ZNF649: variants seen among roughly 807,000 people sequenced by gnomAD.
The protein encoded by ZNF649 is zinc finger protein 649.
In ZNF649, 7 loss-of-function variants were observed where a neutral mutation model predicts 14.1. That is an observed-to-expected ratio of 0.49 (90% CI 0.28 to 0.93). ZNF649 has a LOEUF of 0.93. Ranked by LOEUF, ZNF649 falls within the 40% of genes least tolerant of loss-of-function variation. The pLI is 0.10. For missense variants in ZNF649, 544 were observed against 608.1 expected (o/e 0.89, Z 1.11); for synonymous variants, 227 against 212.3 (o/e 1.07, Z -0.60).
Position 51,891,725 on chromosome 19 carries a change from A to G in ZNF649, c.411T>C (p.Ala137=). ...TTTGTTCATGATTATCATGGAGAAA[A>G]GCTCCATCTCCATTAAACTCAGCAG... ...KEPAEFNGDG[A]FLHDNHEQMP... The change falls in exon 5 of 5, where the codon GCT becomes GCC. Residue 137 remains alanine (A), a synonymous_variant. Coordinates refer to ENST00000354957, the MANE Select transcript of ZNF649 (RefSeq NM_023074.4). This position sits in a 1 kb window ranked among gnomAD's most constrained non-coding sequence, Gnocchi z 4.2. The G allele has an allele frequency of 1.2e-6, 2 of 1,613,466 alleles. No homozygotes were observed. Among genetic ancestry groups the G allele is most frequent in the Non-Finnish European group, 1.7e-6 (2 of 1,179,862 alleles).
chr19:51,891,716 A>C lies in ZNF649; in HGVS notation c.420T>G (p.His140Gln). 6.2e-7 allele frequency: 1 copy of C among 1,613,654 alleles called. No homozygotes were observed. Among genetic ancestry groups the C allele is most frequent in the Non-Finnish European group, 8.5e-7 (1 of 1,179,922 alleles). Residue 140 changes from histidine (H) to glutamine (Q), a missense_variant, in exon 5 of 5, where the codon CAT (histidine) becomes CAG (glutamine). Physicochemically the swap from His to Gln is conservative, Grantham distance 24. Coordinates refer to ENST00000354957, the MANE Select transcript of ZNF649 (RefSeq NM_023074.4). This position sits in a 1 kb window ranked among gnomAD's most constrained non-coding sequence, Gnocchi z 4.2. The stretch of plus-strand genomic sequence containing the variant: ...CCGTAGGCATTTGTTCATGATTATC[A>C]TGGAGAAAAGCTCCATCTCCATTAA... The part of the protein sequence containing the change: ...AEFNGDGAFL[H>Q]DNHEQMPTEI...
chr19:51,899,205 G>A (rs769050217), intron 2 of ZNF649, among the ~76,000 whole-genome samples: 5 of 152,170 alleles, frequency 3.3e-5, no homozygotes, highest in African/African-American at 4.8e-5. Context: ...ATATATATAC[G>A]TGTAAAACCA....
intron 2 of ZNF649, among the ~76,000 whole-genome samples, chr19:51,899,229 G>C (rs16983215): frequency 0.074 from 11,266 of 152,248 alleles, 568 homozygotes; most frequent in South Asian, 0.23. Flanking sequence ...TGAGTCATTT[G>C]CATAATTTTT....
chr19:51,891,795 T>C lies in ZNF649; in HGVS notation c.341A>G (p.Tyr114Cys). ...RYEHGRTLKS[Y>C]LGLTNQSRRY... is the part of the protein sequence containing the mutation. ...TCTGCTCTGGTTGGTTAAACCTAAA[T>C]ATGATTTCAAAGTTCTTCCGTGTTC... The change falls in exon 5 of 5, where the codon TAT (tyrosine) becomes TGT (cysteine). Residue 114 changes from tyrosine to cysteine, a missense_variant. By Grantham distance (194) the Tyr-to-Cys change is radical. Coordinates refer to ENST00000354957, the MANE Select transcript of ZNF649 (RefSeq NM_023074.4). The surrounding 1 kb of genome is among the most constrained non-coding windows in gnomAD (Gnocchi z 4.2). The C allele has an allele frequency of 6.2e-7, 1 of 1,613,826 alleles. No homozygotes were observed.
Position 51,899,753 on chromosome 19 carries a change from C to T in ZNF649, c.15+340G>A, listed in dbSNP as rs1260783863. The T allele has an allele frequency of 2.4e-5, 6 of 251,002 alleles. 1 individual carries two copies. The South Asian group carries it at 7.0e-4, about 29-fold the overall frequency. The allele number at this position is 251,002 out of a possible 1,614,324, so 15.5% of individuals were successfully genotyped here. ...TGAAATACTGACATCCCCTGAGGAACGGACCCGCTTTCTCCTCAGAATCAG... is the reference window on the plus strand; with the variant it reads ...TGAAATACTGACATCCCCTGAGGAATGGACCCGCTTTCTCCTCAGAATCAG... On this transcript the variant is annotated intron_variant, in intron 2 of 4. Coordinates refer to ENST00000354957, the MANE Select transcript of ZNF649 (RefSeq NM_023074.4).
chr19:51,899,835 G>A (rs570911552), intron 2 of ZNF649: 20 of 362,408 alleles, frequency 5.5e-5, no homozygotes, highest in African/African-American at 4.2e-4. Flanking sequence ...AAAGATTTTG[G>A]ACACAAGCTG....
In ZNF649 at chr19:51,891,713, A is replaced by G. The variant is rs377110131; in HGVS notation, c.423T>C (p.Asp141=). Residue 141 remains aspartate, a synonymous_variant, in exon 5 of 5, where the codon GAT becomes GAC. Transcript: ENST00000354957. The surrounding 1 kb of genome is among the most constrained non-coding windows in gnomAD (Gnocchi z 4.2). The part of the protein sequence containing the change: ...EFNGDGAFLH[D]NHEQMPTEIE... ...TTTCCGTAGGCATTTGTTCATGATT[A>G]TCATGGAGAAAAGCTCCATCTCCAT... 1.9e-5 allele frequency: 30 copies of G among 1,613,502 alleles called. No homozygotes were observed. The African/African-American group carries it at 3.6e-4, about 19-fold the overall frequency.
chr19:51,897,118 G>T, intron 2 of ZNF649, 140 bp from the exon 3 acceptor site: 10 of 1,214,068 alleles, frequency 8.2e-6, no homozygotes, highest in Non-Finnish European at 1.2e-5. Flanking sequence ...GTTTCAGGAT[G>T]CCCCACATAT....
In ZNF649 at chr19:51,905,012, A is replaced by T. The variant is rs1003016481; in HGVS notation, c.-286T>A. ...ATGGCGGCGGACGAGGGCGCGAGTC[A>T]ATTCTGCCGCGCTAGGACGATGGGA... On this transcript the variant is annotated 5_prime_UTR_variant, in exon 1 of 5. Transcript: ENST00000354957. 1 of 152,198 alleles carries T rather than the reference A, an allele frequency of 6.6e-6. No individual in the cohort carries two copies. Among genetic ancestry groups the T allele is most frequent in the African/African-American group, 2.4e-5 (1 of 41,452 alleles). 9.4% of individuals were successfully genotyped at this position (152,198 alleles called of 1,614,324 possible). A position where few individuals can be genotyped will look rare whatever the true frequency, so the allele number is the denominator to read the frequency against.
In ZNF649 at chr19:51,890,508, A is replaced by T. The variant is rs1004103011; in HGVS notation, c.*110T>A. The T allele has an allele frequency of 1.5e-6, 1 of 674,910 alleles. No homozygotes were observed. Among genetic ancestry groups the T allele is most frequent in the East Asian group, 2.7e-5 (1 of 36,966 alleles). 41.8% of individuals were successfully genotyped at this position (674,910 alleles called of 1,614,324 possible). A position where few individuals can be genotyped will look rare whatever the true frequency, so the allele number is the denominator to read the frequency against. On this transcript the variant is annotated 3_prime_UTR_variant, in exon 5 of 5. Transcript: ENST00000354957. ...GATATAAAAAAGTAAAATATATTTC[A>T]TATCTTGTAAACCCTACTATACATA...
At chr19:51,895,976 G>A (rs970072453) in intron 4 of ZNF649, 3 of 156,796 alleles carry the variant, frequency 1.9e-5, no homozygotes, top group Admixed American at 1.8e-4. Context: ...CCCTTAACCG[G>A]TGGGATCTGA....
chr19:51,890,483 G>A lies in ZNF649; in HGVS notation c.*135C>T. 1.6e-6 allele frequency: 1 copy of A among 611,478 alleles called. No individual in the cohort carries two copies. Among genetic ancestry groups the A allele is most frequent in the South Asian group, 2.1e-5 (1 of 46,556 alleles). The allele number at this position is 611,478 out of a possible 1,614,324, so 37.9% of individuals were successfully genotyped here. A position where few individuals can be genotyped will look rare whatever the true frequency, so the allele number is the denominator to read the frequency against. ...GTGGGAGGGGTAGTGAGGTTTATAA[G>A]ATATAAAAAAGTAAAATATATTTCA... On this transcript the variant is annotated 3_prime_UTR_variant, in exon 5 of 5. Transcript: ENST00000354957.
chr19:51,897,715 G>A (rs948111195), intron 2 of ZNF649, among the ~76,000 whole-genome samples: 2 of 152,084 alleles, frequency 1.3e-5, no homozygotes, highest in African/African-American at 4.8e-5. Flanking sequence ...CCTAGAACAG[G>A]AAGACAAGCA....
At chr19:51,895,335 T>G (rs2085054557) in intron 4 of ZNF649, among the ~76,000 whole-genome samples, 1 of 152,156 alleles carries the variant, frequency 6.6e-6, no homozygotes, top group Non-Finnish European at 1.5e-5. Flanking sequence ...TTTTTGTTTT[T>G]TTGTTTTTCG....
intron 4 of ZNF649, among the ~76,000 whole-genome samples, chr19:51,895,071 G>A (rs1282438585): frequency 1.3e-5 from 2 of 152,150 alleles, no homozygotes; most frequent in African/African-American, 4.8e-5. Flanking sequence ...CTTACATGAA[G>A]AAGAATGAAA....
At chr19:51,893,392 A>G (rs892040) in intron 4 of ZNF649, among the ~76,000 whole-genome samples, 11,790 of 151,872 alleles carry the variant, frequency 0.078, 634 homozygotes, top group East Asian at 0.21. Context: ...AAAAAAAAAA[A>G]AGTTTCCCCT....
intron 1 of ZNF649, among the ~76,000 whole-genome samples, chr19:51,903,443 T>C (rs1363419815): frequency 1.3e-5 from 2 of 152,134 alleles, no homozygotes; most frequent in Non-Finnish European, 2.9e-5. Flanking sequence ...AAAAAGGCAC[T>C]GTTTACTGAA....
chr19:51,895,685 T>C (rs557008651), intron 4 of ZNF649, among the ~76,000 whole-genome samples: 1 of 152,162 alleles, frequency 6.6e-6, no homozygotes, highest in Admixed American at 6.6e-5. Context: ...TCAGTAACTC[T>C]AGACAATGCT....
At chr19:51,902,451 A>G (rs2122774613) in intron 1 of ZNF649, among the ~76,000 whole-genome samples, 1 of 152,292 alleles carries the variant, frequency 6.6e-6, no homozygotes, top group Non-Finnish European at 1.5e-5. Flanking sequence ...GGTTCGATTA[A>G]TTTGCTGGAT....
Sources: allele counts gnomAD v4.1 joint callset (sites outside exome capture counted in the v4.1 genomes callset), GRCh38; gene constraint gnomAD v4.1.1; non-coding constraint Gnocchi (gnomAD v3.1); transcripts MANE v1.5; gene names NCBI Gene and HGNC (gene_info 2026-07-23, HGNC 2026-07-21).